SLC9C1: variants seen among roughly 807,000 people sequenced by gnomAD.
The protein encoded by SLC9C1 is sodium/hydrogen exchanger 10.
In SLC9C1, 97 loss-of-function variants were observed where a neutral mutation model predicts 140.9. The ratio of observed to expected loss-of-function variants is 0.69; its 90% CI spans 0.58 to 0.82. The LOEUF (loss-of-function observed/expected upper bound fraction) is 0.82. SLC9C1 is among the 40% of genes least tolerant of loss of function. SLC9C1 has a pLI of 0.00. For missense variants in SLC9C1, 1,340 were observed against 1,389.3 expected (o/e 0.96, Z 0.56); for synonymous variants, 440 against 442.6 (o/e 0.99, Z 0.07).
intron 26 of SLC9C1, among the ~76,000 whole-genome samples, chr3:112,161,862 G>A (rs1414760981): frequency 6.7e-6 from 1 of 149,704 alleles, no homozygotes; most frequent in East Asian, 2.0e-4. Flanking sequence ...ACCTTGGGCA[G>A]TATGGCCATT....
At chr3:112,208,633 T>A (rs1419661559) in intron 15 of SLC9C1, among the ~76,000 whole-genome samples, 1 of 152,206 alleles carries the variant, frequency 6.6e-6, no homozygotes, top group Non-Finnish European at 1.5e-5. Flanking sequence ...TTTTTCTTTT[T>A]ACTTTTAATG....
intron 16 of SLC9C1, 53 bp from the exon 17 acceptor site, chr3:112,204,456 A>G (rs948169200): frequency 6.7e-7 from 1 of 1,493,070 alleles, no homozygotes; most frequent in East Asian, 2.6e-5. Flanking sequence ...CTTTTACTAC[A>G]CCATTTTCCA....
intron 18 of SLC9C1, among the ~76,000 whole-genome samples, chr3:112,201,398 A>G (rs546107974): frequency 6.6e-6 from 1 of 152,244 alleles, no homozygotes; most frequent in Admixed American, 6.6e-5. Context: ...GTAATAAAAC[A>G]TAAGAAAATA....
chr3:112,149,617 C>T (rs2107846995), intron 28 of SLC9C1, among the ~76,000 whole-genome samples: 1 of 151,220 alleles, frequency 6.6e-6, no homozygotes, highest in South Asian at 2.1e-4. Context: ...GGGAGGATGG[C>T]ATAGCTTAGG....
In SLC9C1 at chr3:112,167,363, A is replaced by C; in HGVS notation, c.3238-16T>G. 6.4e-7 allele frequency: 1 copy of C among 1,565,632 alleles called. No homozygotes were observed. Among genetic ancestry groups the C allele is most frequent in the Non-Finnish European group, 8.6e-7 (1 of 1,158,992 alleles). ...TACTTTGTATCTGAAAGTTGACAGA[A>C]TGCAAGTTAATTTCTGAGCAAATAT... On this transcript the variant is annotated splice_polypyrimidine_tract_variant and intron_variant, in intron 25 of 28. Transcript: ENST00000305815.
intron 1 of SLC9C1, among the ~76,000 whole-genome samples, chr3:112,288,605 A>C (rs2080587352): frequency 6.6e-6 from 1 of 152,168 alleles, no homozygotes; most frequent in South Asian, 2.1e-4. Flanking sequence ...AAAAATAAAA[A>C]ACTTACCTCA....
At chr3:112,272,393 T>G (rs970347537) in intron 6 of SLC9C1, among the ~76,000 whole-genome samples, 1 of 152,202 alleles carries the variant, frequency 6.6e-6, no homozygotes, top group African/African-American at 2.4e-5. Context: ...GAGTAAGAAC[T>G]CTGAGTGAAA....
At chr3:112,172,375 T>C (rs2077263017) in intron 23 of SLC9C1, among the ~76,000 whole-genome samples, 2 of 152,146 alleles carry the variant, frequency 1.3e-5, no homozygotes, top group African/African-American at 4.8e-5. Context: ...GTTACTAGTA[T>C]ATGAAAACAC....
At chr3:112,197,146 G>T (rs1417712217) in intron 20 of SLC9C1, among the ~76,000 whole-genome samples, 1 of 151,996 alleles carries the variant, frequency 6.6e-6, no homozygotes, top group Admixed American at 6.6e-5. Context: ...TTCTGAGCCT[G>T]TGCCTTCCCC....
chr3:112,184,524 T>C lies in SLC9C1; in HGVS notation c.2524-2266A>G, dbSNP rs1166684501. 5.9e-5 allele frequency among the ~76,000 whole-genome samples: 9 copies of C among 151,362 alleles called. 1 individual carries two copies. Among genetic ancestry groups the C allele is most frequent in the Admixed American group, 5.3e-4 (8 of 15,206 alleles). The stretch of plus-strand genomic sequence containing the variant: ...GGTGGTGCTTGCCTGTAATCCCAGC[T>C]ACTCGGAAGGCTGAGGCAGGAGATT... On this transcript the variant is annotated intron_variant, in intron 20 of 28. Coordinates refer to ENST00000305815, the MANE Select transcript of SLC9C1 (RefSeq NM_183061.3).
intron 25 of SLC9C1, among the ~76,000 whole-genome samples, chr3:112,167,788 A>G (rs756915910): frequency 9.9e-5 from 15 of 152,172 alleles, no homozygotes; most frequent in Non-Finnish European, 1.3e-4. Context: ...CAAATCCACA[A>G]TGAGTAGGGC....
intron 12 of SLC9C1, among the ~76,000 whole-genome samples, chr3:112,235,934 T>C (rs2108196376): frequency 6.6e-6 from 1 of 152,304 alleles, no homozygotes; most frequent in South Asian, 2.1e-4. Flanking sequence ...AATTCTTGTT[T>C]TTTGTTGTGT....
chr3:112,270,369 A>C (rs2080038076), intron 6 of SLC9C1, among the ~76,000 whole-genome samples: 1 of 152,228 alleles, frequency 6.6e-6, no homozygotes, highest in African/African-American at 2.4e-5. Flanking sequence ...AACAGTGTAC[A>C]AGAGTTTCCT....
chr3:112,185,529 G>C (rs1322233975), intron 20 of SLC9C1: 1 of 1,613,108 alleles, frequency 6.2e-7, no homozygotes. Flanking sequence ...GACTTGCACA[G>C]GGGCCCCGTC....
At chr3:112,223,763 A>G (rs1265206533) in intron 13 of SLC9C1, among the ~76,000 whole-genome samples, 1 of 152,198 alleles carries the variant, frequency 6.6e-6, no homozygotes, top group Non-Finnish European at 1.5e-5. Flanking sequence ...AGATTAATTA[A>G]TTGAGTGAAT....
At position 112,239,862 on chromosome 3, in the gene SLC9C1, A is replaced by T; in HGVS notation, c.1424T>A (p.Ile475Asn). The part of the protein sequence containing the change: ...NADWNMIEKA[I>N]TLENPYMLNE... The stretch of plus-strand genomic sequence containing the variant: ...TACCATGTATGGGTTTTCAAGTGTA[A>T]TTGCTTTCTCAATCATGTTCCAATC... The change falls in exon 12 of 29, where the codon ATT becomes AAT. Residue 475 changes from isoleucine to asparagine, a missense_variant. Transcript: ENST00000305815. 6.2e-7 allele frequency: 1 copy of T among 1,612,176 alleles called. No homozygotes were observed. The highest frequency in any genetic ancestry group is 8.5e-7 in the Non-Finnish European group (1 of 1,179,512).
At chr3:112,267,095 T>C (rs1351396276) in intron 7 of SLC9C1, among the ~76,000 whole-genome samples, 1 of 151,762 alleles carries the variant, frequency 6.6e-6, no homozygotes, top group Non-Finnish European at 1.5e-5. Flanking sequence ...CTAGGCAACA[T>C]AATGTGACCC....
intron 11 of SLC9C1, among the ~76,000 whole-genome samples, chr3:112,242,335 A>T (rs529965976): frequency 6.6e-6 from 1 of 152,334 alleles, no homozygotes; most frequent in African/African-American, 2.4e-5. Context: ...ACACAATGGC[A>T]TACCATTAAG....
At chr3:112,230,040 T>G (rs1183525759) in intron 13 of SLC9C1, among the ~76,000 whole-genome samples, 2 of 152,148 alleles carry the variant, frequency 1.3e-5, no homozygotes, top group Non-Finnish European at 1.5e-5. Context: ...CCTTTGTGCT[T>G]TCTAAGGAAG....
Sources: allele counts gnomAD v4.1 joint callset (sites outside exome capture counted in the v4.1 genomes callset), GRCh38; gene constraint gnomAD v4.1.1; transcripts MANE v1.5; gene names NCBI Gene and HGNC (gene_info 2026-07-23, HGNC 2026-07-21).